The following COL5A1 variants were observed in gnomAD, a reference collection of about 807,000 sequenced individuals.
The protein encoded by COL5A1 is collagen type V alpha 1 chain.
A neutral mutation model predicts 263.7 loss-of-function variants in COL5A1; 16 were observed. The ratio of observed to expected loss-of-function variants is 0.06; its 90% CI spans 0.04 to 0.09. The LOEUF (loss-of-function observed/expected upper bound fraction) is 0.09, where lower values mean the gene tolerates loss of function less well. COL5A1 is among the 10% of genes least tolerant of loss of function. COL5A1 has a pLI of 1.00. For missense variants in COL5A1, 2,036 were observed against 2,540.5 expected (o/e 0.80, Z 4.27); for synonymous variants, 1,012 against 1,004.5 (o/e 1.01, Z -0.14).
Position 134,680,519 on chromosome 9 carries a change from G to A in COL5A1, c.110-10393G>A, listed in dbSNP as rs895069112. Among the ~76,000 whole-genome samples, 4 of 152,214 alleles carry A rather than the reference G, an allele frequency of 2.6e-5. No individual in the cohort carries two copies. The highest frequency in any genetic ancestry group is 2.9e-5 in the Non-Finnish European group (2 of 68,042). ...CAACCTGGTCCCCGCTGTGGAGGGCGGAGCTGGCATCCTGACTAGCCCTGG... is the reference window on the plus strand; with the variant it reads ...CAACCTGGTCCCCGCTGTGGAGGGCAGAGCTGGCATCCTGACTAGCCCTGG... On this transcript the variant is annotated intron_variant, in intron 1 of 65. Coordinates refer to ENST00000371817, the MANE Select transcript of COL5A1 (RefSeq NM_000093.5). This position sits in a 1 kb window ranked among gnomAD's most constrained non-coding sequence, Gnocchi z 5.9.
At chr9:134,708,391 G>A (rs1833913868) in intron 4 of COL5A1, 4 of 374,944 alleles carry the variant, frequency 1.1e-5, no homozygotes, top group Admixed American at 1.0e-4. Context: ...TGGCCAGTGC[G>A]CCTGCCATTG....
chr9:134,740,485 C>G (rs150080310), intron 11 of COL5A1, among the ~76,000 whole-genome samples: 1 of 152,366 alleles, frequency 6.6e-6, no homozygotes, highest in Non-Finnish European at 1.5e-5. Context: ...TTTTCTCTCC[C>G]AGATGTAGGA....
intron 28 of COL5A1, among the ~76,000 whole-genome samples, chr9:134,780,991 G>T (rs891220412): frequency 1.3e-5 from 2 of 152,256 alleles, no homozygotes; most frequent in African/African-American, 4.8e-5. Flanking sequence ...GGCAGACTCT[G>T]GGCTCTCCCC....
At chr9:134,732,430 C>T in intron 9 of COL5A1, 2 of 552,854 alleles carry the variant, frequency 3.6e-6, no homozygotes, top group South Asian at 2.1e-5. Flanking sequence ...GGATGAAAAG[C>T]AGCTCAGAGC....
rs558537086 is a variant in COL5A1 at position 134,659,318 on chromosome 9, G to A, written c.109+17022G>A. Among the ~76,000 whole-genome samples, 21 of 152,284 alleles carry A rather than the reference G, an allele frequency of 1.4e-4. No homozygotes were observed. The South Asian group carries it at 1.7e-3, about 12-fold the overall frequency. On this transcript the variant is annotated intron_variant, in intron 1 of 65. Transcript: ENST00000371817. ...GCAGGAGAATTGCTTGAACCTGGGCGGCAGAGGTTGCAGTGAGCCGAGATG... is the reference window on the plus strand; with the variant it reads ...GCAGGAGAATTGCTTGAACCTGGGCAGCAGAGGTTGCAGTGAGCCGAGATG...
In COL5A1 at chr9:134,809,384, T is replaced by C. The variant is rs1336237652; in HGVS notation, c.3474+94T>C. On this transcript the variant is annotated intron_variant, in intron 43 of 65. Coordinates refer to ENST00000371817, the MANE Select transcript of COL5A1 (RefSeq NM_000093.5). ...ATTTAAAGGACAGGATGCTGGCAGG[T>C]AGAGCGGCTCAGCCAGCGGAGTGAT... 7 of 1,002,126 alleles carry C rather than the reference T, an allele frequency of 7.0e-6. No individual in the cohort carries two copies. The Admixed American group carries it at 7.9e-5, about 11-fold the overall frequency. 62.1% of individuals were successfully genotyped at this position (1,002,126 alleles called of 1,614,324 possible).
At chr9:134,730,564 C>T in intron 7 of COL5A1, 89 bp downstream of exon 7, 1 of 1,574,692 alleles carries the variant, frequency 6.4e-7, no homozygotes. Flanking sequence ...CTTCTTACTC[C>T]AGTTCTCACC....
At chr9:134,831,050 G>A (rs1018166728) in intron 64 of COL5A1, among the ~76,000 whole-genome samples, 8 of 152,172 alleles carry the variant, frequency 5.3e-5, no homozygotes, top group African/African-American at 1.9e-4. Flanking sequence ...CCACTCCCAG[G>A]TGGTCCTCAA....
intron 4 of COL5A1, among the ~76,000 whole-genome samples, chr9:134,717,854 C>T (rs1264838168): frequency 6.6e-6 from 1 of 151,396 alleles, no homozygotes; most frequent in Non-Finnish European, 1.5e-5. Flanking sequence ...TTCGGTTGGA[C>T]GAGGAGGGGG....
In COL5A1 at chr9:134,642,350, G is replaced by A; in HGVS notation, c.109+54G>A. The A allele has an allele frequency of 2.2e-6, 1 of 451,208 alleles. No homozygotes were observed. Among genetic ancestry groups the A allele is most frequent in the Non-Finnish European group, 3.3e-6 (1 of 306,268 alleles). The allele number at this position is 451,208 out of a possible 1,614,324, so 28.0% of individuals were successfully genotyped here. A position where few individuals can be genotyped will look rare whatever the true frequency, so the allele number is the denominator to read the frequency against. On this transcript the variant is annotated intron_variant, in intron 1 of 65. Coordinates refer to ENST00000371817, the MANE Select transcript of COL5A1 (RefSeq NM_000093.5). The surrounding 1 kb of genome is among the most constrained non-coding windows in gnomAD (Gnocchi z 4.5). ...GGGATGGGGCGCGCGCAGCCCGGGC[G>A]CCGCTGTCATCCCCGGGCGCCTTCG... is the stretch of plus-strand genomic sequence containing the variant.
intron 41 of COL5A1, among the ~76,000 whole-genome samples, chr9:134,805,564 C>G (rs1473193161): frequency 6.6e-6 from 1 of 152,174 alleles, no homozygotes; most frequent in Non-Finnish European, 1.5e-5. Context: ...AAGAAACAGA[C>G]ACGGGTCTGC....
chr9:134,666,951 A>G (rs976430560), intron 1 of COL5A1, among the ~76,000 whole-genome samples: 1 of 152,234 alleles, frequency 6.6e-6, no homozygotes, highest in African/African-American at 2.4e-5. Flanking sequence ...GATGGGGATG[A>G]CATGACCCCA....
At chr9:134,768,494 T>C in intron 25 of COL5A1, 31 bp downstream of exon 25, 1 of 1,608,868 alleles carries the variant, frequency 6.2e-7, no homozygotes, top group Non-Finnish European at 8.5e-7. Context: ...CATCCCTCCA[T>C]ACTCTCCCCA....
chr9:134,646,531 A>G (rs1169152043), intron 1 of COL5A1, among the ~76,000 whole-genome samples: 1 of 152,184 alleles, frequency 6.6e-6, no homozygotes, highest in African/African-American at 2.4e-5. Context: ...CCCCTCATTC[A>G]CGGGCTTGGC....
rs776878857 is a variant in COL5A1, at chr9:134,731,645, G to C, written c.1314G>C (p.Gln438His). 3.1e-6 allele frequency: 5 copies of C among 1,613,682 alleles called. No homozygotes were observed. Among genetic ancestry groups the C allele is most frequent in the Non-Finnish European group, 3.4e-6 (4 of 1,179,916 alleles). ...SEIGPGMPAN[Q>H]DTIYEGIGGP... ...TCGGGCCGGGAATGCCGGCGAACCA[G>C]GATACCATCTATGAAGGGGTGAGAG... Residue 438 changes from glutamine (Q) to histidine (H), a missense_variant, in exon 8 of 66, where the codon CAG (glutamine) becomes CAC (histidine). Physicochemically the swap from Gln to His is conservative, Grantham distance 24. Transcript: ENST00000371817.
intron 4 of COL5A1, 123 bp from the exon 5 acceptor site, chr9:134,727,143 G>A: frequency 2.0e-6 from 2 of 1,024,868 alleles, no homozygotes; most frequent in Non-Finnish European, 3.0e-6. Context: ...TGGCTCTGAG[G>A]ACAAGCTCGT....
chr9:134,806,241 C>T lies in COL5A1; in HGVS notation c.3311C>T (p.Pro1104Leu), dbSNP rs1377049332. Reference protein sequence around the residue: ...PAGAAGPIGIPGRPGPQGPPG... With the variant: ...PAGAAGPIGILGRPGPQGPPG... ...GGAGCCGCTGGGCCCATCGGAATTCCAGGGAGACCTGGGCCCCAGGGACCC... is the reference window on the plus strand; with the variant it reads ...GGAGCCGCTGGGCCCATCGGAATTCTAGGGAGACCTGGGCCCCAGGGACCC... The change falls in exon 42 of 66, where the codon CCA becomes CTA. Residue 1104 changes from proline to leucine, a missense_variant. Transcript: ENST00000371817. 1.3e-6 allele frequency: 2 copies of T among 1,550,292 alleles called. No homozygotes were observed. The highest frequency in any genetic ancestry group is 1.7e-6 in the Non-Finnish European group (2 of 1,146,896).
At chr9:134,811,624 C>A (rs537389709) in intron 46 of COL5A1, 25 bp downstream of exon 46, 1 of 1,498,414 alleles carries the variant, frequency 6.7e-7, no homozygotes, top group Non-Finnish European at 9.1e-7. Flanking sequence ...CTCACCACAC[C>A]GGGCTCCTCC....
chr9:134,760,793 CGCATACA>C (rs1325140662), intron 18 of COL5A1, among the ~76,000 whole-genome samples: 1 of 146,508 alleles, frequency 6.8e-6, no homozygotes. Flanking sequence ...TGCACACACA[CGCATACA>C]CCCTGACACA....
Sources: allele counts gnomAD v4.1 joint callset (sites outside exome capture counted in the v4.1 genomes callset), GRCh38; gene constraint gnomAD v4.1.1; non-coding constraint Gnocchi (gnomAD v3.1); transcripts MANE v1.5; gene names NCBI Gene and HGNC (gene_info 2026-07-23, HGNC 2026-07-21).